The following LPAR5 variants were observed in gnomAD, a reference collection of about 807,000 sequenced individuals.
The protein encoded by LPAR5 is lysophosphatidic acid receptor 5, also known as G protein-coupled receptor 92.
For synonymous variants in LPAR5, 271 were observed against 261.6 expected (o/e 1.04, Z -0.35); for missense variants, 544 against 521.8 (o/e 1.04, Z -0.41).
chr12:6,634,797 A>G (rs1254819753), intron 1 of LPAR5, among the ~76,000 whole-genome samples: 1 of 147,978 alleles, frequency 6.8e-6, no homozygotes, highest in Non-Finnish European at 1.5e-5. Context: ...TCCTGTCTTG[A>G]AAAAAAAAAT....
At chr12:6,622,586 TAA>T (rs746868792) in intron 1 of LPAR5, among the ~76,000 whole-genome samples, 16 of 109,560 alleles carry the variant, frequency 1.5e-4, no homozygotes, top group Non-Finnish European at 1.7e-4. Context: ...CTGTCTCTAC[TAA>T]AAAAAAAAAA....
In LPAR5 at chr12:6,620,634, C is replaced by T. The variant is rs1163337085; in HGVS notation, c.615G>A (p.Ala205=). ...AEALGFLLPL[A]AVVYSSGRVF... is the part of the protein sequence containing the mutation. ...CTCGGCCCGACGAGTAGACCACCGC[C>T]GCCAGGGGCAGCAGGAAGCCCAGCG... Residue 205 remains alanine (A), a synonymous_variant, in exon 2 of 2, where the codon GCG becomes GCA. Coordinates refer to ENST00000329858, the MANE Select transcript of LPAR5 (RefSeq NM_020400.6). The surrounding 1 kb of genome is among the most constrained non-coding windows in gnomAD (Gnocchi z 6.8). 16 of 1,553,316 alleles carry T rather than the reference C, an allele frequency of 1.0e-5. No homozygotes were observed. Among genetic ancestry groups the T allele is most frequent in the African/African-American group, 2.7e-5 (2 of 73,436 alleles).
At chr12:6,623,237 C>G (rs1270700763) in intron 1 of LPAR5, among the ~76,000 whole-genome samples, 3 of 132,896 alleles carry the variant, frequency 2.3e-5, no homozygotes, top group Non-Finnish European at 4.9e-5. Flanking sequence ...GACTCCATCT[C>G]AAAAAAAAAA....
At chr12:6,627,595 AAAAT>A (rs956369896) in intron 1 of LPAR5, among the ~76,000 whole-genome samples, 46 of 152,200 alleles carry the variant, frequency 3.0e-4, no homozygotes, top group African/African-American at 1.1e-3. Context: ...CCATCTCAAA[AAAAT>A]AAATAAACCT....
chr12:6,631,366 A>G (rs1161906282), intron 1 of LPAR5, among the ~76,000 whole-genome samples: 3 of 152,204 alleles, frequency 2.0e-5, no homozygotes, highest in African/African-American at 7.2e-5. Context: ...GTATCCTTAC[A>G]CAGACAGAAC....
chr12:6,635,175 T>TG (rs1432618323), intron 1 of LPAR5, among the ~76,000 whole-genome samples: 2 of 151,850 alleles, frequency 1.3e-5, no homozygotes, highest in African/African-American at 4.8e-5. Flanking sequence ...CTTCTTGTCA[T>TG]GGGGGCCCCA....
intron 1 of LPAR5, among the ~76,000 whole-genome samples, chr12:6,634,280 C>T (rs998101563): frequency 2.0e-5 from 3 of 150,624 alleles, no homozygotes; most frequent in African/African-American, 7.3e-5. Context: ...GCTGGGATTA[C>T]AGGTGTGAGC....
intron 1 of LPAR5, among the ~76,000 whole-genome samples, chr12:6,630,337 T>G (rs1246107008): frequency 6.6e-6 from 1 of 150,878 alleles, no homozygotes; most frequent in Admixed American, 6.6e-5. Flanking sequence ...TTGGTCAGGC[T>G]AGGCTGGTCT....
At chr12:6,623,465 C>T (rs962342488) in intron 1 of LPAR5, among the ~76,000 whole-genome samples, 2 of 151,776 alleles carry the variant, frequency 1.3e-5, no homozygotes, top group African/African-American at 4.8e-5. Flanking sequence ...ATCCAGGAGG[C>T]AGAGGTTGCA....
In LPAR5 at chr12:6,621,207, C is replaced by G; in HGVS notation, c.42G>C (p.Pro14=). 6.5e-7 allele frequency: 1 copy of G among 1,536,164 alleles called. No individual in the cohort carries two copies. The highest frequency in any genetic ancestry group is 8.8e-7 in the Non-Finnish European group (1 of 1,142,238). ...NSSSTNSSVL[P]CPDYRPTHRL... is the part of the protein sequence containing the mutation. ...GGTGGGTAGGTCGGTAGTCAGGACA[C>G]GGGAGAACAGAACTGTTGGTTGAGG... Residue 14 remains proline (P), a synonymous_variant, in exon 2 of 2, where the codon CCG becomes CCC. Coordinates refer to ENST00000329858, the MANE Select transcript of LPAR5 (RefSeq NM_020400.6).
intron 1 of LPAR5, among the ~76,000 whole-genome samples, chr12:6,634,688 C>CGG (rs1374151461): frequency 3.3e-5 from 5 of 150,260 alleles, no homozygotes; most frequent in Non-Finnish European, 7.4e-5. Context: ...CCCAGGTACT[C>CGG]GGGAGGCTGA....
chr12:6,633,138 A>G (rs562983829), intron 1 of LPAR5, among the ~76,000 whole-genome samples: 6 of 152,282 alleles, frequency 3.9e-5, no homozygotes, highest in African/African-American at 1.4e-4. Context: ...TGATGTGCGG[A>G]TATCACCTTG....
Position 6,620,807 on chromosome 12 carries a change from G to A in LPAR5, c.442C>T (p.Leu148Phe), listed in dbSNP as rs770853572. ...GCGGGCACGGCAAACACCAGGATGA[G>A]CGCCCACACGCCCAGGCAGAGCAGC... ...ARLLCLGVWALILVFAVPAAR... is the reference protein window; with the variant it reads ...ARLLCLGVWAFILVFAVPAAR... Residue 148 changes from leucine (L) to phenylalanine (F), a missense_variant, in exon 2 of 2, where the codon CTC becomes TTC. Leu to Phe is a conservative substitution (Grantham distance 22). Transcript: ENST00000329858. The surrounding 1 kb of genome is among the most constrained non-coding windows in gnomAD (Gnocchi z 6.8). The A allele has an allele frequency of 8.3e-6, 13 of 1,568,292 alleles. 1 individual carries two copies. In the South Asian group the frequency reaches 1.5e-4, roughly 18 times the overall value.
intron 1 of LPAR5, among the ~76,000 whole-genome samples, chr12:6,632,080 T>C (rs1948983802): frequency 6.6e-6 from 1 of 152,164 alleles, no homozygotes; most frequent in African/African-American, 2.4e-5. Context: ...CACGCGATTC[T>C]CCTGCCTCAG....
chr12:6,627,464 G>A (rs555493695), intron 1 of LPAR5, among the ~76,000 whole-genome samples: 37 of 151,634 alleles, frequency 2.4e-4, no homozygotes, highest in Non-Finnish European at 4.7e-4. Flanking sequence ...GGTGGCAGGT[G>A]CCTGTAATCC....
chr12:6,622,393 A>T (rs1350688516), intron 1 of LPAR5, among the ~76,000 whole-genome samples: 1 of 151,204 alleles, frequency 6.6e-6, no homozygotes, highest in Non-Finnish European at 1.5e-5. Context: ...GCGCCATTGC[A>T]CTCCAGCCTG....
At chr12:6,627,096 T>C (rs1159259696) in intron 1 of LPAR5, among the ~76,000 whole-genome samples, 1 of 152,236 alleles carries the variant, frequency 6.6e-6, no homozygotes, top group Non-Finnish European at 1.5e-5. Flanking sequence ...ATTGTCCAAC[T>C]GAAATGTATA....
chr12:6,631,721 A>G (rs1284297235), intron 1 of LPAR5: 2 of 152,260 alleles, frequency 1.3e-5, no homozygotes, highest in Non-Finnish European at 2.9e-5. Context: ...AAAAGTGAGC[A>G]GGAGGTGCAA....
At chr12:6,634,226 C>T (rs1249599111) in intron 1 of LPAR5, among the ~76,000 whole-genome samples, 2 of 151,730 alleles carry the variant, frequency 1.3e-5, no homozygotes, top group African/African-American at 4.8e-5. Context: ...GGGATGGTCT[C>T]GATCTCTTGA....
Sources: allele counts gnomAD v4.1 joint callset (sites outside exome capture counted in the v4.1 genomes callset), GRCh38; gene constraint gnomAD v4.1.1; non-coding constraint Gnocchi (gnomAD v3.1); transcripts MANE v1.5; gene names NCBI Gene and HGNC (gene_info 2026-07-23, HGNC 2026-07-21).